ZSWIM5: variants seen among roughly 807,000 people sequenced by gnomAD.
ZSWIM5 encodes zinc finger SWIM domain-containing protein 5.
Under a neutral mutation model 119.6 loss-of-function variants are expected in ZSWIM5, and 55 were observed. The ratio of observed to expected loss-of-function variants is 0.46; its 90% CI spans 0.37 to 0.58. The LOEUF (loss-of-function observed/expected upper bound fraction) is 0.58, where lower values mean the gene tolerates loss of function less well. Among genes scored for constraint, ZSWIM5 ranks in the 20% least tolerant of loss-of-function variants. The probability of loss-of-function intolerance (pLI) is 0.00; values close to 1 mark genes in which losing one functional copy is unlikely to be tolerated. For synonymous variants in ZSWIM5, 537 were observed against 606.9 expected (o/e 0.88, Z 1.69); for missense variants, 1,193 against 1,512.8 (o/e 0.79, Z 3.51).
At chr1:45,095,817 C>A (rs559892705) in intron 1 of ZSWIM5, among the ~76,000 whole-genome samples, 1 of 152,002 alleles carries the variant, frequency 6.6e-6, no homozygotes, top group Non-Finnish European at 1.5e-5. Flanking sequence ...TTTCATCAGG[C>A]GTGAATTTAT....
intron 2 of ZSWIM5, among the ~76,000 whole-genome samples, chr1:45,073,809 C>A (rs1440138584): frequency 6.6e-6 from 1 of 151,826 alleles, no homozygotes; most frequent in Non-Finnish European, 1.5e-5. Context: ...TTGTCACGTT[C>A]CAGATCTTAG....
intron 1 of ZSWIM5, among the ~76,000 whole-genome samples, chr1:45,092,422 G>A (rs541617447): frequency 8.6e-5 from 13 of 151,792 alleles, no homozygotes; most frequent in Non-Finnish European, 1.3e-4. Flanking sequence ...TCAGCCTCCC[G>A]AGTAGCTGGG....
chr1:45,055,889 G>A (rs974378168), intron 4 of ZSWIM5, among the ~76,000 whole-genome samples: 1 of 152,216 alleles, frequency 6.6e-6, no homozygotes, highest in African/African-American at 2.4e-5. Context: ...AGCACTTTGG[G>A]AGATGGAGGC....
intron 11 of ZSWIM5, among the ~76,000 whole-genome samples, chr1:45,030,700 C>G (rs1296780856): frequency 6.6e-6 from 1 of 151,978 alleles, no homozygotes; most frequent in Non-Finnish European, 1.5e-5. Flanking sequence ...GTGATATCAC[C>G]TTTCTCATTC....
chr1:45,145,918 T>A lies in ZSWIM5; in HGVS notation c.596-57681A>T, dbSNP rs115880563. Among the ~76,000 whole-genome samples, 703 of 151,782 alleles carry A rather than the reference T, an allele frequency of 4.6e-3. 8 individuals carry two copies. Among genetic ancestry groups the A allele is most frequent in the African/African-American group, 0.016 (662 of 41,418 alleles). On this transcript the variant is annotated intron_variant, in intron 1 of 13. Transcript: ENST00000359600. ...CAAGGTAGGAGAAAAACTAGGAGAGTGTGGTACCCTAAAAGCCTCATGAAG... is the reference window on the plus strand; with the variant it reads ...CAAGGTAGGAGAAAAACTAGGAGAGAGTGGTACCCTAAAAGCCTCATGAAG...
At chr1:45,093,103 T>A (rs1645377903) in intron 1 of ZSWIM5, among the ~76,000 whole-genome samples, 1 of 152,210 alleles carries the variant, frequency 6.6e-6, no homozygotes, top group Non-Finnish European at 1.5e-5. Flanking sequence ...AAAGCCAGGA[T>A]TCACACCCAG....
chr1:45,194,414 AC>A (rs1236796875), intron 1 of ZSWIM5, among the ~76,000 whole-genome samples: 3 of 152,206 alleles, frequency 2.0e-5, no homozygotes, highest in African/African-American at 7.2e-5. Context: ...TCTGAAGATA[AC>A]AAAAAGCTAT....
At chr1:45,094,632 G>C (rs1343601035) in intron 1 of ZSWIM5, among the ~76,000 whole-genome samples, 1 of 152,062 alleles carries the variant, frequency 6.6e-6, no homozygotes, top group African/African-American at 2.4e-5. Context: ...GGAGGCTGAG[G>C]CAGGTGGATC....
chr1:45,144,435 T>G (rs1323367443), intron 1 of ZSWIM5, among the ~76,000 whole-genome samples: 3 of 151,894 alleles, frequency 2.0e-5, no homozygotes, highest in Non-Finnish European at 4.4e-5. Context: ...CTTGGGAGGT[T>G]GAGACAGGAG....
Position 45,088,287 on chromosome 1 carries a change from T to TC in ZSWIM5, c.596-51_596-50insG. The TC allele has an allele frequency of 7.6e-7, 1 of 1,316,276 alleles. No individual in the cohort carries two copies. Among genetic ancestry groups the TC allele is most frequent in the Non-Finnish European group, 1.0e-6 (1 of 957,232 alleles). The allele number at this position is 1,316,276 out of a possible 1,614,324, so 81.5% of individuals were successfully genotyped here. On this transcript the variant is annotated intron_variant, in intron 1 of 13. Transcript: ENST00000359600. This position sits in a 1 kb window ranked among gnomAD's most constrained non-coding sequence, Gnocchi z 4.2. ...GTTTAGAGATTCTAGAGTAATAAAC[T>TC]TAGATTCTCATTTTACATGTAAATT... is the stretch of plus-strand genomic sequence containing the variant.
chr1:45,184,949 C>G (rs1352654386), intron 1 of ZSWIM5, among the ~76,000 whole-genome samples: 2 of 152,090 alleles, frequency 1.3e-5, no homozygotes, highest in South Asian at 2.1e-4. Context: ...CAAGTCAATC[C>G]TAAGCCAAAA....
chr1:45,173,113 T>G (rs1645956231), intron 1 of ZSWIM5, among the ~76,000 whole-genome samples: 1 of 152,096 alleles, frequency 6.6e-6, no homozygotes, highest in African/African-American at 2.4e-5. Flanking sequence ...TGCAGTACAC[T>G]ATGATCATAC....
intron 1 of ZSWIM5, among the ~76,000 whole-genome samples, chr1:45,100,306 A>T (rs1645431877): frequency 1.3e-5 from 2 of 152,198 alleles, no homozygotes; most frequent in South Asian, 4.1e-4. Flanking sequence ...CAATTGCTTC[A>T]AAGAGAATAA....
intron 1 of ZSWIM5, among the ~76,000 whole-genome samples, chr1:45,131,533 C>T (rs770436868): frequency 1.2e-4 from 18 of 151,750 alleles, no homozygotes; most frequent in Non-Finnish European, 2.4e-4. Context: ...AAACCAGCCT[C>T]GCCAACATGG....
chr1:45,159,601 T>G (rs369809685), intron 1 of ZSWIM5, among the ~76,000 whole-genome samples: 2 of 152,182 alleles, frequency 1.3e-5, no homozygotes, highest in Non-Finnish European at 2.9e-5. Flanking sequence ...ATTCAATTTT[T>G]TTTTTCAGAC....
intron 1 of ZSWIM5, among the ~76,000 whole-genome samples, chr1:45,200,978 G>A (rs1172810268): frequency 1.3e-5 from 2 of 152,160 alleles, no homozygotes; most frequent in Non-Finnish European, 2.9e-5. Context: ...GAATAGGGTT[G>A]TTGTGTATGT....
chr1:45,163,176 T>C (rs1645874277), intron 1 of ZSWIM5, among the ~76,000 whole-genome samples: 2 of 152,236 alleles, frequency 1.3e-5, no homozygotes, highest in African/African-American at 4.8e-5. Flanking sequence ...TTTGCAGTTC[T>C]GCAGCCTCTG....
chr1:45,175,542 T>G (rs1645974810), intron 1 of ZSWIM5, among the ~76,000 whole-genome samples: 1 of 151,988 alleles, frequency 6.6e-6, no homozygotes, highest in Non-Finnish European at 1.5e-5. Flanking sequence ...CTTAACCTTC[T>G]GGGCCCAAGC....
intron 4 of ZSWIM5, among the ~76,000 whole-genome samples, chr1:45,056,662 T>C (rs1456757357): frequency 6.6e-6 from 1 of 151,118 alleles, no homozygotes; most frequent in Non-Finnish European, 1.5e-5. Context: ...GAAATGATCC[T>C]GTAGAGAGAA....
Sources: gnomAD v4.1 joint callset for allele counts (sites outside exome capture counted in the v4.1 genomes callset) on GRCh38, gnomAD v4.1.1 for gene constraint, Gnocchi (gnomAD v3.1) non-coding constraint, MANE v1.5 for transcripts, NCBI Gene and HGNC (gene_info 2026-07-23, HGNC 2026-07-21) for gene names.